Variants in CCL28 observed in about 807,000 individuals in gnomAD.
CCL28 encodes the protein C-C motif chemokine ligand 28.
A neutral mutation model predicts 7.1 loss-of-function variants in CCL28; 4 were observed. That is an observed-to-expected ratio of 0.56 (90% confidence interval 0.28 to 1.29). The LOEUF is 1.29. Ranked by LOEUF, CCL28 falls within the 50% of genes most tolerant of loss-of-function variation. The probability of loss-of-function intolerance (pLI) is 0.11; values close to 1 mark genes in which losing one functional copy is unlikely to be tolerated. For missense variants in CCL28, 151 were observed against 163.4 expected, an observed-to-expected ratio of 0.92 and a Z score of 0.41; for synonymous variants, 55 against 57.8, an observed-to-expected ratio of 0.95 and a Z score of 0.22.
chr5:43,365,357 C>A, the CCL28 span, among the ~76,000 whole-genome samples: 3 of 152,158 alleles, frequency 2.0e-5, no homozygotes, highest in South Asian at 6.2e-4. Flanking sequence ...GGGCATTTAG[C>A]CCATTTACAT....
the CCL28 span, among the ~76,000 whole-genome samples, chr5:43,363,811 G>C: frequency 6.6e-6 from 1 of 152,190 alleles, no homozygotes. Flanking sequence ...AATTTTCATA[G>C]ATTAGTGGAA....
chr5:43,403,914 G>A (rs1741154423), intron 1 of CCL28, among the ~76,000 whole-genome samples: 1 of 152,074 alleles, frequency 6.6e-6, no homozygotes, highest in Admixed American at 6.5e-5. Flanking sequence ...GTATGGTGAT[G>A]GAAGATGAAA....
intron 1 of CCL28, among the ~76,000 whole-genome samples, chr5:43,400,459 A>G (rs1047634255): frequency 7.2e-5 from 11 of 152,154 alleles, no homozygotes; most frequent in African/African-American, 2.7e-4. Flanking sequence ...GTGCTGGATT[A>G]CAGGCGTGAT....
At chr5:43,393,734 C>G (rs1740680419) in intron 1 of CCL28, among the ~76,000 whole-genome samples, 1 of 151,792 alleles carries the variant, frequency 6.6e-6, no homozygotes, top group South Asian at 2.1e-4. Flanking sequence ...AGATAAATCT[C>G]TACAAGGATT....
downstream of CCL28, among the ~76,000 whole-genome samples, chr5:43,374,999 CT>C (rs915423515): frequency 2.6e-5 from 4 of 151,482 alleles, no homozygotes; most frequent in African/African-American, 9.7e-5. Flanking sequence ...TTTTTCTTTT[CT>C]TTTTTTTGAG....
At chr5:43,396,736 G>A (rs750809388) in intron 1 of CCL28, among the ~76,000 whole-genome samples, 36 of 151,992 alleles carry the variant, frequency 2.4e-4, no homozygotes, top group Admixed American at 6.6e-4. Flanking sequence ...AGGAAAATCA[G>A]AGGAAACAAA....
intron 1 of CCL28, among the ~76,000 whole-genome samples, chr5:43,400,711 GA>G (rs1740992698): frequency 6.6e-6 from 1 of 152,186 alleles, no homozygotes; most frequent in African/African-American, 2.4e-5. Flanking sequence ...AATTATTGGA[GA>G]AAGGATTTGC....
rs1443978154 is a variant in CCL28, at chr5:43,412,164, ATTC to A, written c.64+86_64+88del. On this transcript the variant is annotated intron_variant, in intron 1 of 2. Transcript: ENST00000361115. ...GAAATTCCTGCTTGAAGAGATAGAT[ATTC>A]TTGCCCCACCTCAATCCTTCCAGCA... is the stretch of plus-strand genomic sequence containing the variant. The A allele has an allele frequency of 3.2e-6, 3 of 927,814 alleles. No homozygotes were observed. The East Asian group carries it at 8.4e-5, about 26-fold the overall frequency. The allele number at this position is 927,814 out of a possible 1,614,324, so 57.5% of individuals were successfully genotyped here. A position where few individuals can be genotyped will look rare whatever the true frequency, so the allele number is the denominator to read the frequency against.
At chr5:43,364,826 T>C in the CCL28 span, among the ~76,000 whole-genome samples, 1 of 152,066 alleles carries the variant, frequency 6.6e-6, no homozygotes, top group African/African-American at 2.4e-5. Flanking sequence ...TTCTTTGTAT[T>C]TTTTTATCTT....
rs901786974 is a variant in CCL28, at chr5:43,387,210, T to C, written c.191+1140A>G. The stretch of plus-strand genomic sequence containing the variant: ...GTCCCACCACTGCTTTAGAATGACA[T>C]TGGAGGTGTACAAGTGTTCTGAACT... On this transcript the variant is annotated intron_variant, in intron 2 of 2. Transcript: ENST00000361115. 3.9e-5 allele frequency among the ~76,000 whole-genome samples: 6 copies of C among 152,268 alleles called. 1 individual carries two copies. Among genetic ancestry groups the C allele is most frequent in the Admixed American group, 2.0e-4 (3 of 15,296 alleles).
the CCL28 span, among the ~76,000 whole-genome samples, chr5:43,368,630 C>T: frequency 6.6e-6 from 1 of 152,142 alleles, no homozygotes; most frequent in Non-Finnish European, 1.5e-5. Flanking sequence ...AGAGTTGTTA[C>T]AGATTTAATT....
chr5:43,400,850 C>T (rs145110073), intron 1 of CCL28, among the ~76,000 whole-genome samples: 3,632 of 151,994 alleles, frequency 0.024, 140 homozygotes, highest in African/African-American at 0.083. Flanking sequence ...TTTGGGAGGC[C>T]GAGGTGGGCA....
At chr5:43,382,221 C>T (rs1740146462) in intron 2 of CCL28, among the ~76,000 whole-genome samples, 169 bp from the exon 3 acceptor site, 1 of 152,040 alleles carries the variant, frequency 6.6e-6, no homozygotes, top group East Asian at 1.9e-4. Context: ...AGCTGAGCAC[C>T]ACAAGGTTCA....
intron 1 of CCL28, among the ~76,000 whole-genome samples, chr5:43,394,138 A>T (rs1020918024): frequency 6.6e-6 from 1 of 152,208 alleles, no homozygotes; most frequent in African/African-American, 2.4e-5. Context: ...TCAAGTTTAC[A>T]CATACACATA....
intron 1 of CCL28, among the ~76,000 whole-genome samples, chr5:43,401,703 A>G (rs1561165617): frequency 6.6e-6 from 1 of 152,220 alleles, no homozygotes; most frequent in Non-Finnish European, 1.5e-5. Context: ...TATGCAGTAC[A>G]GTCCCTGGCT....
intron 2 of CCL28, among the ~76,000 whole-genome samples, chr5:43,387,850 A>G (rs1250600787): frequency 2.0e-5 from 3 of 152,122 alleles, no homozygotes; most frequent in Admixed American, 1.3e-4. Flanking sequence ...GGTCTTGAAC[A>G]CCTGGGCTCA....
At chr5:43,389,600 AT>A (rs1227578328) in intron 1 of CCL28, among the ~76,000 whole-genome samples, 1 of 152,238 alleles carries the variant, frequency 6.6e-6, no homozygotes, top group Non-Finnish European at 1.5e-5. Flanking sequence ...GTGTTTAGGA[AT>A]TTGAGTTATC....
At chr5:43,402,512 T>C (rs75734497) in intron 1 of CCL28, among the ~76,000 whole-genome samples, 1,623 of 152,332 alleles carry the variant, frequency 0.011, 29 homozygotes, top group African/African-American at 0.038. Flanking sequence ...TAGATTGTGA[T>C]CCTGTTTCTG....
intron 1 of CCL28, among the ~76,000 whole-genome samples, chr5:43,394,215 G>A (rs1204292259): frequency 6.6e-6 from 1 of 152,092 alleles, no homozygotes; most frequent in East Asian, 1.9e-4. Flanking sequence ...AATTCCACAT[G>A]TTTCAACTAA....
Sources: gnomAD v4.1 joint callset for allele counts (sites outside exome capture counted in the v4.1 genomes callset) on GRCh38, gnomAD v4.1.1 for gene constraint, MANE v1.5 for transcripts, NCBI Gene and HGNC (gene_info 2026-07-23, HGNC 2026-07-21) for gene names.